Variants in PSD3 observed in about 807,000 individuals in gnomAD.
PSD3 encodes the protein PH and SEC7 domain-containing protein 3.
In PSD3, 49 loss-of-function variants were observed where a neutral mutation model predicts 105.5. The ratio of observed to expected loss-of-function variants is 0.46; its 90% CI spans 0.37 to 0.59. PSD3 has a LOEUF of 0.59. PSD3 is among the 20% of genes least tolerant of loss of function. The probability of loss-of-function intolerance (pLI) is 0.00; values close to 1 mark genes in which losing one functional copy is unlikely to be tolerated. For missense variants in PSD3, 1,561 were observed against 1,263.8 expected, an observed-to-expected ratio of 1.24 and a Z score of -3.57; for synonymous variants, 557 against 457.8, an observed-to-expected ratio of 1.22 and a Z score of -2.77.
At chr8:18,905,675 A>G (rs570431717) in intron 2 of PSD3, among the ~76,000 whole-genome samples, 81 of 152,018 alleles carry the variant, frequency 5.3e-4, no homozygotes, top group Non-Finnish European at 1.0e-3. Context: ...GCGTCCTTAT[A>G]TTTTCATAAT....
chr8:18,810,012 C>T (rs1234703152), intron 4 of PSD3, among the ~76,000 whole-genome samples: 1 of 152,138 alleles, frequency 6.6e-6, no homozygotes, highest in Non-Finnish European at 1.5e-5. Context: ...AGGCCTTTTC[C>T]AAGCTGACCC....
intron 8 of PSD3, among the ~76,000 whole-genome samples, chr8:18,795,415 G>A (rs180807236): frequency 6.6e-6 from 1 of 152,308 alleles, no homozygotes; most frequent in Admixed American, 6.5e-5. Flanking sequence ...AGAACAGAGG[G>A]ATGCTGGACA....
At chr8:19,033,190 T>C (rs1030760535) in intron 1 of PSD3, among the ~76,000 whole-genome samples, 2 of 152,190 alleles carry the variant, frequency 1.3e-5, no homozygotes, top group African/African-American at 4.8e-5. Flanking sequence ...AAAGATGTTA[T>C]GTGATTTTTA....
intron 1 of PSD3, among the ~76,000 whole-genome samples, chr8:19,046,784 C>T (rs889638561): frequency 6.6e-6 from 1 of 152,190 alleles, no homozygotes; most frequent in Non-Finnish European, 1.5e-5. Flanking sequence ...ATACTGTCGA[C>T]ACTGCTGAAC....
intron 9 of PSD3, among the ~76,000 whole-genome samples, chr8:18,714,675 G>A (rs1802473436): frequency 6.6e-6 from 1 of 152,248 alleles, no homozygotes; most frequent in Admixed American, 6.5e-5. Context: ...CTTTTACGCT[G>A]CTGGTAGGAA....
At chr8:18,964,531 G>T (rs113150213) in intron 1 of PSD3, among the ~76,000 whole-genome samples, 13 of 151,288 alleles carry the variant, frequency 8.6e-5, no homozygotes, top group African/African-American at 3.2e-4. Context: ...TTACTTCAAA[G>T]ATTGTGTTGC....
At chr8:18,549,626 C>A (rs150125708) in intron 15 of PSD3, among the ~76,000 whole-genome samples, 3 of 152,076 alleles carry the variant, frequency 2.0e-5, no homozygotes, top group Admixed American at 1.3e-4. Flanking sequence ...TGCAGGGAGA[C>A]GACAACAGAA....
chr8:18,749,729 C>G (rs1805317952), intron 9 of PSD3, among the ~76,000 whole-genome samples: 1 of 152,060 alleles, frequency 6.6e-6, no homozygotes, highest in Non-Finnish European at 1.5e-5. Context: ...CAGACAGTAC[C>G]AGAGAGTGAG....
chr8:18,599,217 T>C (rs1585346936), intron 12 of PSD3, among the ~76,000 whole-genome samples: 1 of 152,168 alleles, frequency 6.6e-6, no homozygotes, highest in Non-Finnish European at 1.5e-5. Flanking sequence ...GACACATGCA[T>C]AGACCAACAG....
At chr8:18,723,729 C>A (rs899110701) in intron 9 of PSD3, among the ~76,000 whole-genome samples, 1 of 152,106 alleles carries the variant, frequency 6.6e-6, no homozygotes, top group Non-Finnish European at 1.5e-5. Flanking sequence ...AGTACGGTAG[C>A]CTTTTTAAAA....
intron 6 of PSD3, among the ~76,000 whole-genome samples, chr8:18,804,142 T>C (rs1810982578): frequency 6.6e-6 from 1 of 152,136 alleles, no homozygotes; most frequent in African/African-American, 2.4e-5. Context: ...ATAATACAAT[T>C]TGAGCTAAGT....
At chr8:18,571,099 G>C (rs1187283198) in intron 14 of PSD3, among the ~76,000 whole-genome samples, 1 of 152,122 alleles carries the variant, frequency 6.6e-6, no homozygotes, top group East Asian at 1.9e-4. Context: ...GACCTCAGGT[G>C]ATCTGCCCAC....
chr8:18,785,857 G>A lies in PSD3; in HGVS notation c.2082+13438C>T, dbSNP rs573910014. Among the ~76,000 whole-genome samples, 3 of 152,250 alleles carry A rather than the reference G, an allele frequency of 2.0e-5. No homozygotes were observed. In the East Asian group the frequency reaches 5.8e-4, roughly 29 times the overall value. ...CTGAGGAGACAGAGATGGGGGAATG[G>A]CCAGCCTTTGGCGCAGTCAAAACAT... is the stretch of plus-strand genomic sequence containing the variant. On this transcript the variant is annotated intron_variant, in intron 8 of 15. Coordinates refer to ENST00000327040, the MANE Select transcript of PSD3 (RefSeq NM_015310.4).
chr8:18,638,979 T>C (rs79995837), intron 10 of PSD3, among the ~76,000 whole-genome samples: 98 of 152,328 alleles, frequency 6.4e-4, no homozygotes, highest in East Asian at 3.9e-3. Flanking sequence ...TCAGGTGCCA[T>C]GGCATTGACC....
intron 1 of PSD3, among the ~76,000 whole-genome samples, chr8:19,076,203 C>A (rs1379451179): frequency 6.6e-6 from 1 of 152,192 alleles, no homozygotes; most frequent in East Asian, 1.9e-4. Context: ...TTTCCATGAG[C>A]TTTCTCAAAT....
At chr8:18,803,134 A>G (rs1341670194) in intron 6 of PSD3, 3 of 210,838 alleles carry the variant, frequency 1.4e-5, no homozygotes, top group East Asian at 3.5e-4. Flanking sequence ...AAAAATACAA[A>G]TAATTAGCCA....
chr8:18,768,713 T>G (rs544992532), intron 8 of PSD3, among the ~76,000 whole-genome samples: 2 of 152,272 alleles, frequency 1.3e-5, no homozygotes, highest in African/African-American at 4.8e-5. Context: ...ACCTCCCCTT[T>G]CCCAGCCACC....
In PSD3 at chr8:18,750,233, A is replaced by T. The variant is rs139572381; in HGVS notation, c.2172+15216T>A. 6.4e-3 allele frequency among the ~76,000 whole-genome samples: 973 copies of T among 152,134 alleles called. 7 individuals carry two copies. The highest frequency in any genetic ancestry group is 0.013 in the Admixed American group (197 of 15,274). ...ACTGACTTCAAGAATGAAGCCGCGG[A>T]CCCTCGCGGTGAGTGCTACAGCTCT... On this transcript the variant is annotated intron_variant, in intron 9 of 15. Transcript: ENST00000327040.
At chr8:18,933,459 AT>A (rs1305361044) in intron 2 of PSD3, among the ~76,000 whole-genome samples, 2 of 151,882 alleles carry the variant, frequency 1.3e-5, no homozygotes, top group African/African-American at 4.8e-5. Flanking sequence ...AAGGAGTTTT[AT>A]TTTTTAAATT....
Sources: gnomAD v4.1 joint callset for allele counts (sites outside exome capture counted in the v4.1 genomes callset) on GRCh38, gnomAD v4.1.1 for gene constraint, MANE v1.5 for transcripts, NCBI Gene and HGNC (gene_info 2026-07-23, HGNC 2026-07-21) for gene names.